Variants in BRWD3 observed in about 807,000 individuals in gnomAD.
BRWD3 encodes bromodomain and WD repeat-containing protein 3.
A neutral mutation model predicts 149.7 loss-of-function variants in BRWD3; 10 were observed. That is an observed-to-expected ratio of 0.07 (90% CI 0.04 to 0.11). BRWD3 has a LOEUF of 0.11. Among genes scored for constraint, BRWD3 ranks in the 10% least tolerant of loss-of-function variants. The pLI, the probability that BRWD3 is intolerant of heterozygous loss-of-function variation, is 1.00. For missense variants in BRWD3, 940 were observed against 1,373.2 expected (o/e 0.68, Z 4.99); for synonymous variants, 504 against 456.7 (o/e 1.10, Z -1.32).
intron 6 of BRWD3, among the ~76,000 whole-genome samples, chrX:80,789,378 T>A (rs1321943321): frequency 5.4e-5 from 6 of 111,039 alleles, no homozygotes; most frequent in Non-Finnish European, 1.1e-4. Context: ...GCTTAAATTT[T>A]TTTTTTCTTT....
chrX:80,733,544 T>G, intron 11 of BRWD3, 48 bp from the exon 12 acceptor site: 1 of 992,503 alleles, frequency 1.0e-6, no homozygotes, highest in Non-Finnish European at 1.4e-6. Flanking sequence ...ATTTGTAAAA[T>G]GAATTAAGTG....
At chrX:80,696,527 C>G (rs1328240463) in intron 26 of BRWD3, among the ~76,000 whole-genome samples, 1 of 97,618 alleles carries the variant, frequency 1.0e-5, no homozygotes, top group African/African-American at 4.2e-5. Context: ...AATACACACA[C>G]ACACACACAC....
chrX:80,744,070 C>T lies in BRWD3; in HGVS notation c.775G>A (p.Val259Ile). The T allele has an allele frequency of 8.3e-7, 1 of 1,211,461 alleles. No individual in the cohort carries two copies. Among genetic ancestry groups the T allele is most frequent in the Non-Finnish European group, 1.1e-6 (1 of 895,204 alleles). Residue 259 changes from valine (V) to isoleucine (I), a missense_variant, in exon 8 of 41, where the codon GTC (valine) becomes ATC (isoleucine). Physicochemically the swap from Val to Ile is conservative, Grantham distance 29. Coordinates refer to ENST00000373275, the MANE Select transcript of BRWD3 (RefSeq NM_153252.5). ...ATAGAAGCTGAATGGCCCTGAAGGA[C>T]TGCAACGGGTGCACAAGTTCGAAGA... ...WCLRTCAPVA[V>I]LQGHSASITS...
intron 20 of BRWD3, among the ~76,000 whole-genome samples, chrX:80,715,955 G>C (rs960945271): frequency 9.0e-6 from 1 of 111,712 alleles, no homozygotes; most frequent in Non-Finnish European, 1.9e-5. Context: ...ACATGTCCTA[G>C]ATTTGGGGGG....
At chrX:80,784,911 A>C (rs1331336009) in intron 6 of BRWD3, among the ~76,000 whole-genome samples, 1 of 111,651 alleles carries the variant, frequency 9.0e-6, no homozygotes, top group Non-Finnish European at 1.9e-5. Flanking sequence ...CAGAAATGGG[A>C]TTGCTGGGTC....
chrX:80,692,715 G>A (rs923626443), intron 28 of BRWD3, among the ~76,000 whole-genome samples: 1 of 111,955 alleles, frequency 8.9e-6, no homozygotes, highest in African/African-American at 3.2e-5. Flanking sequence ...TAGCAATAAA[G>A]TGTTTAGTTA....
At chrX:80,784,857 G>A (rs2074092886) in intron 6 of BRWD3, among the ~76,000 whole-genome samples, 1 of 111,942 alleles carries the variant, frequency 8.9e-6, no homozygotes, top group South Asian at 3.7e-4. Flanking sequence ...ATGTGTGCCT[G>A]TATTTTTAAA....
chrX:80,771,919 T>C (rs1427489522), intron 6 of BRWD3, among the ~76,000 whole-genome samples: 4 of 111,704 alleles, frequency 3.6e-5, no homozygotes, highest in Non-Finnish European at 7.5e-5. Flanking sequence ...CACAGTGAGA[T>C]ACCATCTCAC....
intron 8 of BRWD3, among the ~76,000 whole-genome samples, chrX:80,739,086 T>C (rs187664741): frequency 1.1e-3 from 123 of 112,004 alleles, no homozygotes; most frequent in African/African-American, 4.0e-3. Flanking sequence ...GCAGATCGGT[T>C]AGAAGTCTAT....
intron 6 of BRWD3, 112 bp downstream of exon 6, chrX:80,791,742 A>G: frequency 1.8e-6 from 1 of 553,217 alleles, no homozygotes; most frequent in Non-Finnish European, 3.1e-6. Flanking sequence ...CAGGAATGTA[A>G]ACAGTTTGTT....
intron 5 of BRWD3, among the ~76,000 whole-genome samples, chrX:80,793,160 CAAAAAAAAA>C (rs201065966): frequency 2.2e-5 from 1 of 44,464 alleles, no homozygotes; most frequent in Non-Finnish European, 4.1e-5. Flanking sequence ...GACTCTGTCT[CAAAAAAAAA>C]AAAAAAAAAA....
At chrX:80,710,423 C>A in intron 20 of BRWD3, 1 of 338,892 alleles carries the variant, frequency 3.0e-6, no homozygotes, top group Non-Finnish European at 5.5e-6. Flanking sequence ...TCAGCTCGTA[C>A]TTACTTGGAG....
intron 19 of BRWD3, chrX:80,716,930 A>G (rs2073081169): frequency 9.0e-6 from 1 of 111,549 alleles, no homozygotes; most frequent in African/African-American, 3.3e-5. Flanking sequence ...AAAAGGAGAA[A>G]CCAAATTAAT....
At chrX:80,751,989 T>C (rs1220482877) in intron 6 of BRWD3, among the ~76,000 whole-genome samples, 2 of 89,794 alleles carry the variant, frequency 2.2e-5, no homozygotes, top group Non-Finnish European at 4.3e-5. Flanking sequence ...TTCATTATTA[T>C]TATTATTATT....
Position 80,725,214 on chromosome X carries a change from C to T in BRWD3, c.1387-147G>A. ...ATTTATGACATGGATACTACATGAA[C>T]AATATAGGTCAGTGAGAGTTCCTTA... On this transcript the variant is annotated intron_variant, in intron 14 of 40. Coordinates refer to ENST00000373275, the MANE Select transcript of BRWD3 (RefSeq NM_153252.5). 7 of 577,313 alleles carry T rather than the reference C, an allele frequency of 1.2e-5. 1 individual carries two copies. The South Asian group carries it at 2.0e-4, about 17-fold the overall frequency. 47.6% of individuals were successfully genotyped at this position (577,313 alleles called of 1,213,427 possible). A position where few individuals can be genotyped will look rare whatever the true frequency, so the allele number is the denominator to read the frequency against.
At chrX:80,741,995 T>C (rs1211663050) in intron 8 of BRWD3, among the ~76,000 whole-genome samples, 28 of 111,809 alleles carry the variant, frequency 2.5e-4, no homozygotes, top group African/African-American at 8.8e-4. Flanking sequence ...CATGCCTATG[T>C]CCTGAATGGT....
chrX:80,743,255 C>T (rs189148909), intron 8 of BRWD3, among the ~76,000 whole-genome samples: 1 of 111,938 alleles, frequency 8.9e-6, no homozygotes, highest in Non-Finnish European at 1.9e-5. Flanking sequence ...TCCACTTGAT[C>T]ATGGTGGATA....
At chrX:80,737,362 T>C (rs1354188876) in intron 8 of BRWD3, among the ~76,000 whole-genome samples, 2 of 112,138 alleles carry the variant, frequency 1.8e-5, no homozygotes, top group Admixed American at 9.5e-5. Flanking sequence ...AGTAATTTGT[T>C]GTTATACTAT....
chrX:80,809,706 A>G lies in BRWD3; in HGVS notation c.-235T>C. The G allele has an allele frequency of 2.7e-6, 1 of 371,504 alleles. No homozygotes were observed. Among genetic ancestry groups the G allele is most frequent in the Non-Finnish European group, 4.7e-6 (1 of 213,439 alleles). 30.6% of individuals were successfully genotyped at this position (371,504 alleles called of 1,213,427 possible). On this transcript the variant is annotated 5_prime_UTR_variant, in exon 1 of 41. Transcript: ENST00000373275. ...AAGGAGAGGAGAGGGAGAGGGAGAG[A>G]GAGAGTGAGTGAGTGAGAGAGAGAG...
Sources: gnomAD v4.1 joint callset for allele counts (sites outside exome capture counted in the v4.1 genomes callset) on GRCh38, gnomAD v4.1.1 for gene constraint, MANE v1.5 for transcripts, NCBI Gene and HGNC (gene_info 2026-07-23, HGNC 2026-07-21) for gene names.